FAT4: variants seen among roughly 807,000 people sequenced by gnomAD.
FAT4 encodes protocadherin Fat 4.
FAT4 carries 84 observed loss-of-function variants against 303.9 expected under a neutral mutation model. That is an observed-to-expected ratio of 0.28 (90% CI 0.23 to 0.33). FAT4 has a LOEUF of 0.33. Ranked by LOEUF, FAT4 falls within the 10% of genes least tolerant of loss-of-function variation. The probability of loss-of-function intolerance (pLI) is 1.00; values close to 1 mark genes in which losing one functional copy is unlikely to be tolerated. For synonymous variants in FAT4, 2,307 were observed against 2,298.8 expected (o/e 1.00, Z -0.10); for missense variants, 6,005 against 6,146.8 (o/e 0.98, Z 0.77).
chr4:125,437,329 G>A (rs1235469004), intron 8 of FAT4, among the ~76,000 whole-genome samples: 2 of 152,154 alleles, frequency 1.3e-5, no homozygotes, highest in African/African-American at 4.8e-5. Flanking sequence ...TAGGAGTTAA[G>A]GTAGGAGTTA....
chr4:125,393,667 C>A (rs1219639341), intron 2 of FAT4, among the ~76,000 whole-genome samples: 2 of 151,978 alleles, frequency 1.3e-5, no homozygotes, highest in African/African-American at 4.8e-5. Flanking sequence ...TTAAAATATC[C>A]ATTTGACCCT....
chr4:125,438,537 C>G (rs1240195588), intron 8 of FAT4, among the ~76,000 whole-genome samples: 2 of 151,938 alleles, frequency 1.3e-5, no homozygotes, highest in Non-Finnish European at 2.9e-5. Flanking sequence ...TCCAAAAACC[C>G]CATCAGTGAA....
chr4:125,477,170 G>C lies in FAT4; in HGVS notation c.12315G>C (p.Gln4105His). Residue 4105 changes from glutamine (Q) to histidine (H), a missense_variant, in exon 14 of 18, where the codon CAG (glutamine) becomes CAC (histidine). Coordinates refer to ENST00000394329, the MANE Select transcript of FAT4 (RefSeq NM_001291303.3). Reference protein sequence around the residue: ...AVSDDWTLDVQPNRVTVGGIR... With the variant: ...AVSDDWTLDVHPNRVTVGGIR... ...ATTTATTTAGGACTCTTGATGTTCA[G>C]CCAAATAGAGTTACAGTTGGAGGTA... The C allele has an allele frequency of 6.6e-6, 9 of 1,371,896 alleles. No individual in the cohort carries two copies. Among genetic ancestry groups the C allele is most frequent in the Non-Finnish European group, 8.6e-6 (9 of 1,052,076 alleles). 85.0% of individuals were successfully genotyped at this position (1,371,896 alleles called of 1,614,324 possible).
chr4:125,485,657 T>C (rs1328458024), intron 16 of FAT4, among the ~76,000 whole-genome samples: 1 of 152,200 alleles, frequency 6.6e-6, no homozygotes, highest in Non-Finnish European at 1.5e-5. Flanking sequence ...CTATTTTTTA[T>C]ATCATTAGAA....
At position 125,317,737 on chromosome 4, in the gene FAT4, T is replaced by C. The variant is rs762922425; in HGVS notation, c.1326T>C (p.Asp442=). 1.2e-6 allele frequency: 2 copies of C among 1,613,996 alleles called. No individual in the cohort carries two copies. The highest frequency in any genetic ancestry group is 2.7e-5 in the African/African-American group (2 of 74,942). ...ACAACCTCACAGTTTCCGTCTCTGA[T>C]AACTACGGGGCGCCCCCTGGCGCAG... ...PSYNLTVSVS[D]NYGAPPGAAV... The change falls in exon 2 of 18, where the codon GAT becomes GAC. Residue 442 remains aspartate (D), a synonymous_variant. Coordinates refer to ENST00000394329, the MANE Select transcript of FAT4 (RefSeq NM_001291303.3). This position sits in a 1 kb window ranked among gnomAD's most constrained non-coding sequence, Gnocchi z 7.0.
At chr4:125,405,903 G>A in intron 3 of FAT4, among the ~76,000 whole-genome samples, 1 of 152,050 alleles carries the variant, frequency 6.6e-6, no homozygotes. Flanking sequence ...TATGTTGTAG[G>A]ACTTATTTAT....
At chr4:125,407,229 A>C in intron 4 of FAT4, 88 bp downstream of exon 4, 4 of 1,221,688 alleles carry the variant, frequency 3.3e-6, no homozygotes, top group Non-Finnish European at 4.6e-6. Context: ...TTAATCAATG[A>C]TTAGTTTTTA....
intron 9 of FAT4, 33 bp from the exon 10 acceptor site, chr4:125,448,428 C>T (rs1348497798): frequency 3.2e-6 from 5 of 1,543,036 alleles, no homozygotes; most frequent in East Asian, 2.3e-5. Context: ...TTAAATTCCA[C>T]GTGAGTATAA....
At position 125,317,846 on chromosome 4, in the gene FAT4, G is replaced by T; in HGVS notation, c.1435G>T (p.Val479Leu). 1 of 1,614,188 alleles carries T rather than the reference G, an allele frequency of 6.2e-7. No homozygotes were observed. Residue 479 changes from valine to leucine, a missense_variant, in exon 2 of 18, where the codon GTG becomes TTG. Val to Leu is a conservative substitution (Grantham distance 32). Coordinates refer to ENST00000394329, the MANE Select transcript of FAT4 (RefSeq NM_001291303.3). This position sits in a 1 kb window ranked among gnomAD's most constrained non-coding sequence, Gnocchi z 7.0. The stretch of plus-strand genomic sequence containing the variant: ...CCATCCTCCTGTCTTTTCACAGCAA[G>T]TGTACAGAGTGAACCTGAGCGAGGA... ...NDHPPVFSQQVYRVNLSEEAP... is the reference protein window; with the variant it reads ...NDHPPVFSQQLYRVNLSEEAP...
At chr4:125,332,623 A>T (rs1731429544) in intron 2 of FAT4, among the ~76,000 whole-genome samples, 1 of 151,920 alleles carries the variant, frequency 6.6e-6, no homozygotes, top group Non-Finnish European at 1.5e-5. Context: ...ATTTTTAGTG[A>T]TGGTAGTAAA....
Position 125,480,454 on chromosome 4 carries a change from GCTCT to G in FAT4, c.12604+592_12604+595del, listed in dbSNP as rs1289195575. On this transcript the variant is annotated intron_variant, in intron 15 of 17. Coordinates refer to ENST00000394329, the MANE Select transcript of FAT4 (RefSeq NM_001291303.3). The stretch of plus-strand genomic sequence containing the variant: ...GTTCATATCATCATTAGAAAATGGT[GCTCT>G]CTAATTTCGAGCTGCACATCTCACT... Among the ~76,000 whole-genome samples the G allele has an allele frequency of 3.3e-5, 5 of 152,154 alleles. No homozygotes were observed. In the South Asian group the frequency reaches 6.2e-4, roughly 19 times the overall value.
chr4:125,375,164 G>A (rs1733265658), intron 2 of FAT4, among the ~76,000 whole-genome samples: 1 of 152,132 alleles, frequency 6.6e-6, no homozygotes, highest in Non-Finnish European at 1.5e-5. Flanking sequence ...ACAGGTCTTA[G>A]TGATTTAGCA....
At chr4:125,362,213 T>C (rs960813191) in intron 2 of FAT4, among the ~76,000 whole-genome samples, 1 of 152,166 alleles carries the variant, frequency 6.6e-6, no homozygotes, top group Non-Finnish European at 1.5e-5. Flanking sequence ...AGCGTATGTG[T>C]GTGTTTACAC....
At position 125,318,180 on chromosome 4, in the gene FAT4, T is replaced by C; in HGVS notation, c.1769T>C (p.Val590Ala). 6.2e-7 allele frequency: 1 copy of C among 1,614,202 alleles called. No individual in the cohort carries two copies. Among genetic ancestry groups the C allele is most frequent in the Non-Finnish European group, 8.5e-7 (1 of 1,180,042 alleles). Residue 590 changes from valine (V) to alanine (A), a missense_variant, in exon 2 of 18, where the codon GTG becomes GCG. Physicochemically the swap from Val to Ala is moderately conservative, Grantham distance 64. Transcript: ENST00000394329. ...TTTAGCCAGCCAGAAGGGTATGATG[T>C]GTCTGTGGTTGAGAATGCCCCAACA... ...PVFSQPEGYDVSVVENAPTGT... is the reference protein window; with the variant it reads ...PVFSQPEGYDASVVENAPTGT...
chr4:125,375,648 C>G (rs1205905341), intron 2 of FAT4, among the ~76,000 whole-genome samples: 1 of 152,196 alleles, frequency 6.6e-6, no homozygotes, highest in Non-Finnish European at 1.5e-5. Flanking sequence ...TTTTCTTTAT[C>G]ACAAACACGT....
intron 2 of FAT4, among the ~76,000 whole-genome samples, chr4:125,374,065 A>G (rs1238245164): frequency 6.6e-6 from 1 of 152,164 alleles, no homozygotes; most frequent in Non-Finnish European, 1.5e-5. Context: ...AGATATACCA[A>G]TTTAACTCTT....
At chr4:125,476,284 A>G (rs766424823) in intron 13 of FAT4, 28 bp downstream of exon 13, 3 of 1,337,600 alleles carry the variant, frequency 2.2e-6, no homozygotes, top group Non-Finnish European at 3.1e-6. Flanking sequence ...TTTAATTTTT[A>G]TTATTACTTA....
chr4:125,426,192 T>A (rs913819282), intron 7 of FAT4, among the ~76,000 whole-genome samples: 4 of 152,104 alleles, frequency 2.6e-5, no homozygotes, highest in Non-Finnish European at 4.4e-5. Flanking sequence ...CATCCGAAGA[T>A]AATTGTTTTT....
intron 2 of FAT4, among the ~76,000 whole-genome samples, chr4:125,389,620 A>G (rs1435790628): frequency 1.3e-5 from 2 of 152,120 alleles, no homozygotes; most frequent in African/African-American, 2.4e-5. Flanking sequence ...AATAAGTCCC[A>G]TATAGCTCTG....
Sources: allele counts gnomAD v4.1 joint callset (sites outside exome capture counted in the v4.1 genomes callset), GRCh38; gene constraint gnomAD v4.1.1; non-coding constraint Gnocchi (gnomAD v3.1); transcripts MANE v1.5; gene names NCBI Gene and HGNC (gene_info 2026-07-23, HGNC 2026-07-21).